Variants in FOCAD observed in about 807,000 individuals in gnomAD.
FOCAD encodes the protein KIAA1797.
A neutral mutation model predicts 225.6 loss-of-function variants in FOCAD; 198 were observed. The ratio of observed to expected loss-of-function variants is 0.88; its 90% CI spans 0.78 to 0.99. The LOEUF (loss-of-function observed/expected upper bound fraction) is 0.99. Ranked by LOEUF, FOCAD falls within the 50% of genes least tolerant of loss-of-function variation. The pLI is 0.00. For missense variants in FOCAD, 2,713 were observed against 2,123.6 expected (o/e 1.28, Z -5.46); for synonymous variants, 897 against 755.0 (o/e 1.19, Z -3.08).
At chr9:20,771,303 A>G (rs1255574339) in intron 8 of FOCAD, among the ~76,000 whole-genome samples, 1 of 152,206 alleles carries the variant, frequency 6.6e-6, no homozygotes, top group Non-Finnish European at 1.5e-5. Flanking sequence ...AGGCAATGAC[A>G]TGCTGTTTGA....
intron 36 of FOCAD, among the ~76,000 whole-genome samples, chr9:20,977,757 AAGATATAATGTCACCATACTGGGTTTCC>A (rs1283422930): frequency 6.6e-6 from 1 of 152,260 alleles, no homozygotes; most frequent in Non-Finnish European, 1.5e-5. Flanking sequence ...ATCTCTATAT[AAGATATAATGTCACCATACTGGGTTTCC>A]AGAGATTTCA....
intron 29 of FOCAD, among the ~76,000 whole-genome samples, 162 bp from the exon 30 acceptor site, chr9:20,946,539 A>G (rs1196214627): frequency 1.3e-5 from 2 of 152,206 alleles, no homozygotes; most frequent in African/African-American, 4.8e-5. Flanking sequence ...ATGAAATATT[A>G]CAATATAAGT....
intron 35 of FOCAD, among the ~76,000 whole-genome samples, chr9:20,964,053 A>G (rs2132483745): frequency 6.6e-6 from 1 of 152,232 alleles, no homozygotes; most frequent in Admixed American, 6.5e-5. Context: ...TATTTGTCAG[A>G]ATTTTTTTTT....
intron 33 of FOCAD, among the ~76,000 whole-genome samples, chr9:20,950,370 A>AT (rs1324408942): frequency 3.9e-5 from 6 of 152,156 alleles, no homozygotes; most frequent in Non-Finnish European, 8.8e-5. Flanking sequence ...AATGTGGCTG[A>AT]TGATAATACC....
At chr9:20,817,005 G>A (rs1476881614) in intron 11 of FOCAD, among the ~76,000 whole-genome samples, 1 of 152,092 alleles carries the variant, frequency 6.6e-6, no homozygotes, top group Non-Finnish European at 1.5e-5. Context: ...CATGGAATGA[G>A]GTGTGCGTAT....
In FOCAD at chr9:20,685,453, G is replaced by A. The variant is rs1042434453; in HGVS notation, c.-33+1160G>A. Among the ~76,000 whole-genome samples, 93 of 152,272 alleles carry A rather than the reference G, an allele frequency of 6.1e-4. 1 individual carries two copies. Among genetic ancestry groups the A allele is most frequent in the African/African-American group, 2.1e-3 (88 of 41,540 alleles). On this transcript the variant is annotated intron_variant, in intron 1 of 43. Transcript: ENST00000338382. Reference sequence around the variant, plus strand: ...TATGATTATGTTTTACTGTGTCAACGAACATTGTATCTGTCCACATTCACT... The same window carrying A: ...TATGATTATGTTTTACTGTGTCAACAAACATTGTATCTGTCCACATTCACT...
chr9:20,821,072 G>A lies in FOCAD; in HGVS notation c.1793+1G>A, dbSNP rs1362818474. 1 of 1,611,528 alleles carries A rather than the reference G, an allele frequency of 6.2e-7. No homozygotes were observed. ...CAATCAGAGATATATGTAAGCAGAG[G>A]TATGATGTCATTAACTCTTAGGAAT... is the stretch of plus-strand genomic sequence containing the variant. On this transcript the variant is annotated splice_donor_variant, in intron 14 of 43. Transcript: ENST00000338382. LOFTEE classifies it high-confidence loss of function.
At chr9:20,663,506 C>CACAT (rs1422552859) in intron 2 of FOCAD, among the ~76,000 whole-genome samples, 14 of 151,606 alleles carry the variant, frequency 9.2e-5, no homozygotes, top group South Asian at 6.2e-4. Flanking sequence ...CACACACACA[C>CACAT]ATACACACAG....
intron 35 of FOCAD, among the ~76,000 whole-genome samples, chr9:20,959,628 T>C (rs1043289554): frequency 3.3e-5 from 5 of 152,142 alleles, no homozygotes; most frequent in African/African-American, 1.2e-4. Context: ...CCTGAAGCAT[T>C]TCTCCTATGT....
chr9:20,764,746 G>T, intron 6 of FOCAD, 123 bp from the exon 7 acceptor site: 2 of 762,460 alleles, frequency 2.6e-6, no homozygotes, highest in Non-Finnish European at 4.3e-6. Context: ...ATCATAAAAA[G>T]AAGTTACACT....
rs374861568 is a variant in FOCAD, at chr9:20,862,590, C to T, written c.1933C>T (p.Arg645Cys). 4.9e-5 allele frequency: 79 copies of T among 1,612,840 alleles called. No homozygotes were observed. Among genetic ancestry groups the T allele is most frequent in the East Asian group, 6.7e-5 (3 of 44,846 alleles). The change falls in exon 16 of 44, where the codon CGC (arginine) becomes TGC (cysteine). Residue 645 changes from arginine to cysteine, a missense_variant. Coordinates refer to ENST00000338382, the MANE Select transcript of FOCAD (RefSeq NM_001375567.1). ...ALCQAEVVCI[R>C]STWNALSPKL... is the part of the protein sequence containing the mutation. ...ATTTGCTTCACAGGTTGTTTGCATT[C>T]GCTCCACTTGGAATGCTCTCTCTCC... is the stretch of plus-strand genomic sequence containing the variant.
chr9:20,703,775 C>G (rs62549790), intron 1 of FOCAD, among the ~76,000 whole-genome samples: 6,021 of 152,302 alleles, frequency 0.04, 150 homozygotes, highest in Non-Finnish European at 0.061. Flanking sequence ...AGGAAGCACA[C>G]ATTTCTACAG....
chr9:20,953,751 G>A (rs4977848), intron 35 of FOCAD, among the ~76,000 whole-genome samples: 45,669 of 152,020 alleles, frequency 0.3, 7,978 homozygotes, highest in East Asian at 0.43. Flanking sequence ...AATCAGCTTC[G>A]TTACCGTGAT....
chr9:20,965,089 A>T (rs1417659040), intron 35 of FOCAD, among the ~76,000 whole-genome samples: 1 of 152,172 alleles, frequency 6.6e-6, no homozygotes, highest in Non-Finnish European at 1.5e-5. Context: ...CAGAGGAAGA[A>T]CACCGAAGCT....
chr9:20,784,476 C>T (rs781590201), intron 10 of FOCAD, among the ~76,000 whole-genome samples: 2 of 152,008 alleles, frequency 1.3e-5, no homozygotes, highest in African/African-American at 4.8e-5. Flanking sequence ...AAGAAAGAAT[C>T]GGAAAAGTTT....
At chr9:20,673,909 A>G (rs945454341) in intron 2 of FOCAD, among the ~76,000 whole-genome samples, 12 of 152,212 alleles carry the variant, frequency 7.9e-5, no homozygotes, top group Non-Finnish European at 1.5e-5. Flanking sequence ...TTGTTTTTTA[A>G]TTATCAAGTT....
At chr9:20,800,494 G>A (rs1275092543) in intron 11 of FOCAD, among the ~76,000 whole-genome samples, 2 of 152,084 alleles carry the variant, frequency 1.3e-5, no homozygotes, top group African/African-American at 4.8e-5. Context: ...CCAATCAGAT[G>A]TAAATTTGGT....
At chr9:20,780,362 T>C (rs1023630114) in intron 9 of FOCAD, among the ~76,000 whole-genome samples, 8 of 152,248 alleles carry the variant, frequency 5.3e-5, no homozygotes, top group African/African-American at 1.9e-4. Flanking sequence ...AGCTATGTTC[T>C]TATATTGTGG....
chr9:20,935,457 A>T (rs547972014), intron 28 of FOCAD, among the ~76,000 whole-genome samples: 1 of 152,054 alleles, frequency 6.6e-6, no homozygotes, highest in East Asian at 1.9e-4. Flanking sequence ...CTGGAGTGCA[A>T]TGGTGGAATC....
Sources: gnomAD v4.1 joint callset for allele counts (sites outside exome capture counted in the v4.1 genomes callset) on GRCh38, gnomAD v4.1.1 for gene constraint, MANE v1.5 for transcripts, NCBI Gene and HGNC (gene_info 2026-07-23, HGNC 2026-07-21) for gene names.